Variants in GARNL3 observed in about 807,000 individuals in gnomAD.
GARNL3 encodes the protein GTPase activating Rap/RanGAP domain like 3.
In GARNL3, 63 loss-of-function variants were observed where a neutral mutation model predicts 125.0. That is an observed-to-expected ratio of 0.50 (90% CI 0.41 to 0.62). GARNL3 has a LOEUF of 0.62. Among genes scored for constraint, GARNL3 ranks in the 20% least tolerant of loss-of-function variants. The pLI, the probability that GARNL3 is intolerant of heterozygous loss-of-function variation, is 0.00. For missense variants in GARNL3, 994 were observed against 1,244.0 expected (o/e 0.80, Z 3.02); for synonymous variants, 439 against 457.5 (o/e 0.96, Z 0.52).
chr9:127,224,966 C>T (rs1588643098), intron 1 of GARNL3, among the ~76,000 whole-genome samples: 1 of 72,850 alleles, frequency 1.4e-5, no homozygotes, highest in Non-Finnish European at 2.6e-5. Flanking sequence ...GGGCTGAGGG[C>T]GCGGGGGAAG....
At chr9:127,378,480 G>A (rs1023595043) in intron 22 of GARNL3, among the ~76,000 whole-genome samples, 13 of 151,512 alleles carry the variant, frequency 8.6e-5, no homozygotes, top group African/African-American at 2.9e-4. Context: ...CCAGCTATTC[G>A]GGAGGCTTAG....
intron 1 of GARNL3, among the ~76,000 whole-genome samples, chr9:127,238,917 C>G (rs896817393): frequency 1.3e-5 from 2 of 152,184 alleles, no homozygotes; most frequent in Non-Finnish European, 2.9e-5. Flanking sequence ...TAGACTCCCT[C>G]CCGCTCTATC....
intron 2 of GARNL3, among the ~76,000 whole-genome samples, chr9:127,251,125 A>G (rs2063394363): frequency 6.6e-6 from 1 of 152,198 alleles, no homozygotes; most frequent in African/African-American, 2.4e-5. Flanking sequence ...TAGTATTACT[A>G]TTTTAATCAG....
intron 24 of GARNL3, 41 bp from the exon 25 acceptor site, chr9:127,387,152 G>C: frequency 6.3e-7 from 1 of 1,592,870 alleles, no homozygotes; most frequent in South Asian, 1.1e-5. Context: ...GCAAGGCCTA[G>C]AACACCAGGC....
chr9:127,351,640 C>T (rs1347063463), intron 17 of GARNL3, among the ~76,000 whole-genome samples: 1 of 152,114 alleles, frequency 6.6e-6, no homozygotes, highest in Non-Finnish European at 1.5e-5. Flanking sequence ...GACTGAGTTC[C>T]ACTCTATCCC....
intron 12 of GARNL3, among the ~76,000 whole-genome samples, chr9:127,338,918 G>A (rs1405523770): frequency 6.6e-6 from 1 of 152,202 alleles, no homozygotes; most frequent in Non-Finnish European, 1.5e-5. Context: ...CCCATATGCA[G>A]CTGGATAAAT....
rs114530237 is a variant in GARNL3, at chr9:127,335,412, C to T, written c.873+79C>T. On this transcript the variant is annotated intron_variant, in intron 10 of 27. Transcript: ENST00000373387. ...CATTATGATTCCATAGAATTAGGGG[C>T]TATGCCGGTTAACATATGAGCTGAG... 2.6e-3 allele frequency: 2,981 copies of T among 1,148,030 alleles called. 76 individuals are homozygous for T. The African/African-American group carries it at 0.042, about 16-fold the overall frequency. 71.1% of individuals were successfully genotyped at this position (1,148,030 alleles called of 1,614,324 possible). A position where few individuals can be genotyped will look rare whatever the true frequency, so the allele number is the denominator to read the frequency against.
intron 22 of GARNL3, among the ~76,000 whole-genome samples, chr9:127,382,091 AG>A (rs1444272651): frequency 1.3e-5 from 2 of 152,106 alleles, no homozygotes; most frequent in African/African-American, 4.8e-5. Context: ...ACTTGAGGTC[AG>A]GAGTTCGACA....
chr9:127,263,273 AG>A (rs2063629785), upstream of GARNL3, among the ~76,000 whole-genome samples: 1 of 152,206 alleles, frequency 6.6e-6, no homozygotes, highest in South Asian at 2.1e-4. Context: ...ATGGCAGCAC[AG>A]GGAGGACCCA....
At chr9:127,359,513 C>A (rs1027896072) in intron 21 of GARNL3, among the ~76,000 whole-genome samples, 1 of 152,096 alleles carries the variant, frequency 6.6e-6, no homozygotes, top group Non-Finnish European at 1.5e-5. Context: ...GTTCTCACCC[C>A]CTTCTTCCTT....
intron 21 of GARNL3, among the ~76,000 whole-genome samples, chr9:127,359,098 C>A (rs551721797): frequency 1.3e-5 from 2 of 152,036 alleles, no homozygotes; most frequent in African/African-American, 2.4e-5. Context: ...CCCACTCCCC[C>A]CACCCGCCGC....
intron 22 of GARNL3, among the ~76,000 whole-genome samples, chr9:127,380,536 C>G (rs1335550953): frequency 1.3e-5 from 2 of 152,026 alleles, no homozygotes; most frequent in Non-Finnish European, 2.9e-5. Context: ...AGAAACAACC[C>G]AAATGCCCAT....
At position 127,293,998 on chromosome 9, in the gene GARNL3, C is replaced by T. The variant is rs912400894; in HGVS notation, c.219+2756C>T. ...GCTCTGCTCGGTGCTGTGACAACTT[C>T]CTTGTAGTTTTTGGTGGTGGAGGTG... On this transcript the variant is annotated intron_variant, in intron 2 of 27. Coordinates refer to ENST00000373387, the MANE Select transcript of GARNL3 (RefSeq NM_032293.5). Among the ~76,000 whole-genome samples, 8 of 152,132 alleles carry T rather than the reference C, an allele frequency of 5.3e-5. No homozygotes were observed. The South Asian group carries it at 6.2e-4, about 12-fold the overall frequency.
At chr9:127,261,313 T>C (rs114951165), upstream of GARNL3, among the ~76,000 whole-genome samples, 3,267 of 152,092 alleles carry the variant, frequency 0.021, 108 homozygotes, top group African/African-American at 0.075. Flanking sequence ...ATATTGTGGC[T>C]GTATCCCTCT....
chr9:127,303,208 T>C (rs888668662), intron 2 of GARNL3, among the ~76,000 whole-genome samples: 1 of 152,026 alleles, frequency 6.6e-6, no homozygotes, highest in African/African-American at 2.4e-5. Flanking sequence ...CAGAGAAAAA[T>C]TTTTCAGTGT....
At chr9:127,304,814 A>G (rs541952287) in intron 2 of GARNL3, among the ~76,000 whole-genome samples, 14 of 152,068 alleles carry the variant, frequency 9.2e-5, no homozygotes, top group Non-Finnish European at 1.8e-4. Flanking sequence ...TAGGATTACA[A>G]GCGTGAGCCA....
chr9:127,268,995 TTTTG>T (rs892860538), intron 1 of GARNL3, among the ~76,000 whole-genome samples: 22 of 152,178 alleles, frequency 1.4e-4, no homozygotes, highest in African/African-American at 5.3e-4. Context: ...CATTTATCTG[TTTTG>T]TTTGTTTGTC....
intron 2 of GARNL3, among the ~76,000 whole-genome samples, chr9:127,257,640 G>A (rs926384808): frequency 1.3e-5 from 2 of 152,198 alleles, no homozygotes; most frequent in Non-Finnish European, 2.9e-5. Context: ...TTAGAGAAAA[G>A]AGAAGTAGAA....
intron 21 of GARNL3, among the ~76,000 whole-genome samples, chr9:127,359,727 T>A (rs562958688): frequency 3.5e-4 from 53 of 152,318 alleles, no homozygotes; most frequent in African/African-American, 1.3e-3. Flanking sequence ...AATTATGCAG[T>A]TTACTTACTC....
Sources: allele counts gnomAD v4.1 joint callset (sites outside exome capture counted in the v4.1 genomes callset), GRCh38; gene constraint gnomAD v4.1.1; transcripts MANE v1.5; gene names NCBI Gene and HGNC (gene_info 2026-07-23, HGNC 2026-07-21).